The following ELP4 variants were observed in gnomAD, a reference collection of about 807,000 sequenced individuals.
ELP4 encodes elongator acetyltransferase complex subunit 4, also known as elongator complex protein 4.
Under a neutral mutation model 48.9 loss-of-function variants are expected in ELP4, and 51 were observed. The ratio of observed to expected loss-of-function variants is 1.04; its 90% CI spans 0.83 to 1.32. ELP4 has a LOEUF of 1.32. Among genes scored for constraint, ELP4 ranks in the 40% most tolerant of loss-of-function variants. ELP4 has a pLI of 0.00. For missense variants in ELP4, 519 were observed against 514.6 expected, an observed-to-expected ratio of 1.01 and a Z score of -0.08; for synonymous variants, 210 against 189.2, an observed-to-expected ratio of 1.11 and a Z score of -0.90.
At chr11:31,661,741 T>G (rs1487529892) in intron 9 of ELP4, among the ~76,000 whole-genome samples, 2 of 152,064 alleles carry the variant, frequency 1.3e-5, no homozygotes, top group African/African-American at 2.4e-5. Flanking sequence ...TTTAGATGCT[T>G]AATATATTTC....
At chr11:31,753,402 CTGCCTAGGACAA>C (rs953872859) in intron 9 of ELP4, among the ~76,000 whole-genome samples, 76 of 152,328 alleles carry the variant, frequency 5.0e-4, no homozygotes, top group African/African-American at 1.7e-3. Context: ...GCTATTCCCT[CTGCCTAGGACAA>C]TGCAAATTAA....
intron 9 of ELP4, among the ~76,000 whole-genome samples, chr11:31,744,108 A>G (rs1947522444): frequency 6.6e-6 from 1 of 152,218 alleles, no homozygotes; most frequent in African/African-American, 2.4e-5. Context: ...AGAATACTAT[A>G]AACACCTCTA....
intron 1 of ELP4, chr11:31,511,205 A>G (rs182620511): frequency 1.3e-5 from 2 of 152,336 alleles, no homozygotes; most frequent in East Asian, 3.9e-4. Flanking sequence ...TACTGTAAAT[A>G]GAAGTGATTC....
intron 9 of ELP4, among the ~76,000 whole-genome samples, chr11:31,678,487 A>G (rs1945977680): frequency 8.3e-6 from 1 of 119,828 alleles, no homozygotes. Context: ...TATTGCATAC[A>G]TATATGTATG....
At chr11:31,662,481 T>C in intron 9 of ELP4, 2 of 396,802 alleles carry the variant, frequency 5.0e-6, no homozygotes, top group Non-Finnish European at 4.4e-6. Flanking sequence ...ATACATTTTA[T>C]TGTAACAGCC....
intron 9 of ELP4, chr11:31,714,640 C>T (rs1271444179): frequency 2.5e-6 from 1 of 398,308 alleles, no homozygotes; most frequent in African/African-American, 2.1e-5. Context: ...GGCAGAGGTC[C>T]AAAAAGGGGT....
intron 9 of ELP4, among the ~76,000 whole-genome samples, chr11:31,754,211 A>G (rs369871909): frequency 6.6e-6 from 1 of 152,144 alleles, no homozygotes; most frequent in Non-Finnish European, 1.5e-5. Context: ...CTTGTTTGCC[A>G]TACACCATTC....
chr11:31,529,168 T>G (rs906465686), intron 2 of ELP4, among the ~76,000 whole-genome samples: 2 of 151,880 alleles, frequency 1.3e-5, no homozygotes, highest in East Asian at 1.9e-4. Flanking sequence ...GCATGAGAAG[T>G]GCAGTGCAGT....
At chr11:31,607,290 C>T (rs1957893916) in intron 5 of ELP4, among the ~76,000 whole-genome samples, 2 of 152,104 alleles carry the variant, frequency 1.3e-5, no homozygotes, top group Admixed American at 1.3e-4. Context: ...TAACAAAATA[C>T]CTGAGACTCG....
chr11:31,732,284 A>C (rs1267843259), intron 9 of ELP4, among the ~76,000 whole-genome samples: 1 of 152,330 alleles, frequency 6.6e-6, no homozygotes. Context: ...TTTGTGACAT[A>C]AATAATATAA....
chr11:31,723,212 TA>T (rs556511149), intron 9 of ELP4, among the ~76,000 whole-genome samples: 3 of 152,088 alleles, frequency 2.0e-5, no homozygotes, highest in Admixed American at 2.0e-4. Flanking sequence ...CACTAGTCAC[TA>T]AGGAAGGAGA....
At chr11:31,759,954 C>T (rs915832346) in intron 9 of ELP4, among the ~76,000 whole-genome samples, 6 of 152,224 alleles carry the variant, frequency 3.9e-5, no homozygotes, top group Admixed American at 2.0e-4. Flanking sequence ...CCACCTGCCT[C>T]GCCTTCCCAA....
At chr11:31,530,561 G>A (rs1317072296) in intron 2 of ELP4, among the ~76,000 whole-genome samples, 1 of 151,978 alleles carries the variant, frequency 6.6e-6, no homozygotes, top group Non-Finnish European at 1.5e-5. Context: ...AATTGGTGTT[G>A]GAGAGCAGTC....
chr11:31,643,323 C>A (rs1307681163), intron 7 of ELP4, among the ~76,000 whole-genome samples: 3 of 151,742 alleles, frequency 2.0e-5, no homozygotes, highest in East Asian at 3.9e-4. Context: ...TAGAGTAACT[C>A]AGGAACTTGC....
chr11:31,606,913 A>G (rs1957885699), intron 5 of ELP4, among the ~76,000 whole-genome samples: 1 of 152,192 alleles, frequency 6.6e-6, no homozygotes, highest in Non-Finnish European at 1.5e-5. Context: ...CAGAATTCAT[A>G]TGTTGAAGCC....
intron 2 of ELP4, among the ~76,000 whole-genome samples, chr11:31,536,818 T>A (rs1393695127): frequency 6.6e-6 from 1 of 152,220 alleles, no homozygotes. Flanking sequence ...TTGCTCATTT[T>A]TATGTTGCCC....
chr11:31,730,540 G>A (rs1461576691), intron 9 of ELP4, among the ~76,000 whole-genome samples: 8 of 152,160 alleles, frequency 5.3e-5, no homozygotes, highest in Admixed American at 5.2e-4. Flanking sequence ...AGAGAAGACT[G>A]GACCATAAAC....
At chr11:31,734,870 T>C (rs1459284685) in intron 9 of ELP4, among the ~76,000 whole-genome samples, 1 of 152,100 alleles carries the variant, frequency 6.6e-6, no homozygotes, top group Non-Finnish European at 1.5e-5. Context: ...CTAAAATTCA[T>C]ATGGAATAAC....
chr11:31,553,307 C>A (rs527582373), intron 3 of ELP4, among the ~76,000 whole-genome samples: 1 of 152,026 alleles, frequency 6.6e-6, no homozygotes, highest in Non-Finnish European at 1.5e-5. Flanking sequence ...TCTAGGTGTT[C>A]CTGTGAGAGT....
Sources: allele counts gnomAD v4.1 joint callset (sites outside exome capture counted in the v4.1 genomes callset), GRCh38; gene constraint gnomAD v4.1.1; transcripts MANE v1.5; gene names NCBI Gene and HGNC (gene_info 2026-07-23, HGNC 2026-07-21).